Variants in PTCSC3 observed in about 807,000 individuals in gnomAD.
PTCSC3 encodes papillary thyroid carcinoma susceptibility candidate 3 (non-protein coding).
chr14:36,172,860 T>C (rs868201522), intron 1 of PTCSC3, among the ~76,000 whole-genome samples: 18 of 152,292 alleles, frequency 1.2e-4, no homozygotes, highest in Non-Finnish European at 2.4e-4. Context: ...TTATGACATT[T>C]GGTTTTGATT....
At chr14:36,141,189 A>T (rs1881411701) in intron 3 of PTCSC3, among the ~76,000 whole-genome samples, 1 of 152,096 alleles carries the variant, frequency 6.6e-6, no homozygotes, top group Non-Finnish European at 1.5e-5. Context: ...GATTGTTTTT[A>T]TTCTTTGATA....
At chr14:36,163,835 G>C (rs1434940234) in intron 1 of PTCSC3, among the ~76,000 whole-genome samples, 1 of 152,148 alleles carries the variant, frequency 6.6e-6, no homozygotes, top group Non-Finnish European at 1.5e-5. Flanking sequence ...ATCATCTAAT[G>C]CAAAAATAAT....
chr14:36,164,055 T>G (rs1310751235), intron 1 of PTCSC3: 1 of 152,218 alleles, frequency 6.6e-6, no homozygotes, highest in Non-Finnish European at 1.5e-5. Context: ...TTTGGAGAAT[T>G]TCACTGAATA....
chr14:36,152,972 G>A (rs570490274), intron 3 of PTCSC3, among the ~76,000 whole-genome samples: 1 of 152,200 alleles, frequency 6.6e-6, no homozygotes, highest in East Asian at 1.9e-4. Context: ...TCCAAAAGAG[G>A]ACAGCTGTTT....
Position 36,145,967 on chromosome 14 carries a change from C to T in PTCSC3, n.322+7837G>A, listed in dbSNP as rs951005478. On this transcript the variant is annotated intron_variant and non_coding_transcript_variant, in intron 3 of 3. Transcript: ENST00000556013. ...GTTGTTCAGTTTCCATGTAGTTGAG[C>T]GGTTTTGAGTAAGATTCTTAATCCT... Among the ~76,000 whole-genome samples, 111 of 152,074 alleles carry T rather than the reference C, an allele frequency of 7.3e-4. No homozygotes were observed. In the Middle Eastern group the frequency reaches 0.014, roughly 19 times the overall value.
chr14:36,153,105 T>G (rs1881758386), intron 3 of PTCSC3, among the ~76,000 whole-genome samples: 1 of 152,146 alleles, frequency 6.6e-6, no homozygotes, highest in South Asian at 2.1e-4. Context: ...TTGTGTTCTT[T>G]TGATGGTCCT....
At chr14:36,158,632 A>G (rs149992404) in intron 2 of PTCSC3, among the ~76,000 whole-genome samples, 2,637 of 152,158 alleles carry the variant, frequency 0.017, 94 homozygotes, top group Admixed American at 0.082. Context: ...AAGCTTTTTG[A>G]TGTGCTGCTG....
At chr14:36,157,666 T>A (rs1278959526) in intron 2 of PTCSC3, among the ~76,000 whole-genome samples, 2 of 151,642 alleles carry the variant, frequency 1.3e-5, no homozygotes, top group African/African-American at 2.4e-5. Flanking sequence ...CCCCATTGCT[T>A]GTTTTGATGA....
chr14:36,135,929 GTA>G (rs143134615), downstream of PTCSC3, among the ~76,000 whole-genome samples: 3 of 150,546 alleles, frequency 2.0e-5, no homozygotes, highest in East Asian at 1.9e-4. Context: ...ATGTGTGTGT[GTA>G]TATATATATA....
At chr14:36,142,168 TA>T (rs925991124) in intron 3 of PTCSC3, among the ~76,000 whole-genome samples, 15 of 152,348 alleles carry the variant, frequency 9.8e-5, no homozygotes, top group African/African-American at 3.4e-4. Flanking sequence ...TTTTGGTAGA[TA>T]TTCCTTATCA....
At chr14:36,134,999 C>T (rs1335965720), downstream of PTCSC3, among the ~76,000 whole-genome samples, 1 of 152,114 alleles carries the variant, frequency 6.6e-6, no homozygotes, top group Non-Finnish European at 1.5e-5. Flanking sequence ...TAAAGTAACC[C>T]AATTTTGGCC....
intron 3 of PTCSC3, among the ~76,000 whole-genome samples, chr14:36,152,392 C>A (rs1226573519): frequency 2.0e-5 from 3 of 151,876 alleles, no homozygotes; most frequent in African/African-American, 7.3e-5. Context: ...GAATTTGAGT[C>A]TACAGTGTGC....
chr14:36,138,714 T>C (rs1258841056), intron 3 of PTCSC3, among the ~76,000 whole-genome samples: 3 of 152,258 alleles, frequency 2.0e-5, no homozygotes, highest in Non-Finnish European at 4.4e-5. Context: ...ACATTACTTA[T>C]GGGAATGTAA....
intron 2 of PTCSC3, among the ~76,000 whole-genome samples, chr14:36,154,375 C>T (rs1463049628): frequency 6.6e-6 from 1 of 152,174 alleles, no homozygotes; most frequent in Admixed American, 6.5e-5. Flanking sequence ...ACGTACCCTC[C>T]AAAATTATGC....
intron 3 of PTCSC3, among the ~76,000 whole-genome samples, chr14:36,144,190 G>A (rs1295723156): frequency 6.6e-6 from 1 of 151,180 alleles, no homozygotes; most frequent in Non-Finnish European, 1.5e-5. Context: ...TTCCAATTCT[G>A]TGAAGAAAGG....
chr14:36,162,965 T>C (rs1212951789), intron 1 of PTCSC3, among the ~76,000 whole-genome samples: 5 of 151,576 alleles, frequency 3.3e-5, no homozygotes, highest in African/African-American at 1.2e-4. Context: ...TGGATGGTAG[T>C]CTTTTTTCTT....
intron 3 of PTCSC3, among the ~76,000 whole-genome samples, chr14:36,142,075 G>A (rs1479636166): frequency 6.6e-6 from 1 of 152,180 alleles, no homozygotes; most frequent in Non-Finnish European, 1.5e-5. Flanking sequence ...TAGGTGTGGT[G>A]AGAGGGACAT....
At chr14:36,156,202 C>T (rs1373265862) in intron 2 of PTCSC3, among the ~76,000 whole-genome samples, 4 of 152,224 alleles carry the variant, frequency 2.6e-5, no homozygotes, top group African/African-American at 7.2e-5. Context: ...GAGAACAGCT[C>T]TACCTTTGGT....
At chr14:36,167,729 C>T (rs1404199809) in intron 1 of PTCSC3, among the ~76,000 whole-genome samples, 2 of 152,246 alleles carry the variant, frequency 1.3e-5, no homozygotes, top group African/African-American at 4.8e-5. Flanking sequence ...AATCAAATCT[C>T]TTTGATTCTG....
Sources: allele counts gnomAD v4.1 joint callset (sites outside exome capture counted in the v4.1 genomes callset), GRCh38; gene constraint gnomAD v4.1.1; transcripts MANE v1.5; gene names NCBI Gene and HGNC (gene_info 2026-07-23, HGNC 2026-07-21).